The following BTBD8 variants were observed in gnomAD, a reference collection of about 807,000 sequenced individuals.
The protein encoded by BTBD8 is BTB domain containing 8, also known as BTB/POZ domain-containing protein 8.
BTBD8 carries 110 observed loss-of-function variants against 162.9 expected under a neutral mutation model. The observed-to-expected ratio is 0.68, with a 90% CI of 0.58 to 0.79. BTBD8 has a LOEUF of 0.79. Among genes scored for constraint, BTBD8 ranks in the 30% least tolerant of loss-of-function variants. The probability of loss-of-function intolerance (pLI) is 0.00; values close to 1 mark genes in which losing one functional copy is unlikely to be tolerated. For synonymous variants in BTBD8, 667 were observed against 716.1 expected (o/e 0.93, Z 1.10); for missense variants, 1,905 against 2,085.4 (o/e 0.91, Z 1.68).
intron 3 of BTBD8, among the ~76,000 whole-genome samples, chr1:92,105,024 C>T (rs1486234767): frequency 6.6e-6 from 1 of 152,024 alleles, no homozygotes; most frequent in East Asian, 1.9e-4. Context: ...CCTCCGCCTC[C>T]CGGGTTCACG....
At chr1:92,161,617 C>G (rs765885146) in intron 9 of BTBD8, among the ~76,000 whole-genome samples, 22 of 152,212 alleles carry the variant, frequency 1.4e-4, no homozygotes, top group Non-Finnish European at 2.4e-4. Context: ...ATGAGCAGAT[C>G]CTGAACTTCA....
rs1391484558 is a variant in BTBD8, at chr1:92,107,979, G to A, written c.640G>A (p.Gly214Arg). 8 of 1,613,690 alleles carry A rather than the reference G, an allele frequency of 5.0e-6. No homozygotes were observed. Among genetic ancestry groups the A allele is most frequent in the Non-Finnish European group, 6.8e-6 (8 of 1,179,742 alleles). ...CCCAGATATTGATATTTTTGTTGATGGAAAACGTTTTAAAGCTCACAGGTA... is the reference window on the plus strand; with the variant it reads ...CCCAGATATTGATATTTTTGTTGATAGAAAACGTTTTAAAGCTCACAGGTA... ...CCPDIDIFVD[G>R]KRFKAHRAIL... is the part of the protein sequence containing the mutation. The change falls in exon 4 of 18, where the codon GGA (glycine) becomes AGA (arginine). Residue 214 changes from glycine to arginine, a missense_variant. Around this residue, in one of 3 missense-constraint regions of BTBD8, gnomAD observed 1,374 missense variants for 1,442.7 expected, o/e 0.95. Transcript: ENST00000636805.
intron 13 of BTBD8, among the ~76,000 whole-genome samples, chr1:92,175,167 C>A (rs564410747): frequency 6.6e-6 from 1 of 151,780 alleles, no homozygotes; most frequent in Admixed American, 6.6e-5. Context: ...AAAAAAAAAA[C>A]CGTTTGCATA....
At position 92,176,926 on chromosome 1, in the gene BTBD8, A is replaced by G; in HGVS notation, c.1733A>G (p.Lys578Arg). 1 of 1,538,532 alleles carries G rather than the reference A, an allele frequency of 6.5e-7. No homozygotes were observed. The highest frequency in any genetic ancestry group is 8.8e-7 in the Non-Finnish European group (1 of 1,141,484). The stretch of plus-strand genomic sequence containing the variant: ...TGGAGTTATCTCTCTACTAATAAAA[A>G]GATGAAATCTGATGGATTAGGAGCA... ...ECWSYLSTNK[K>R]MKSDGLGASG... Residue 578 changes from lysine to arginine, a missense_variant, in exon 14 of 18, where the codon AAG (lysine) becomes AGG (arginine). Coordinates refer to ENST00000636805, the MANE Select transcript of BTBD8 (RefSeq NM_001376131.1).
chr1:92,142,428 C>T (rs570022232), intron 7 of BTBD8, among the ~76,000 whole-genome samples: 2 of 152,072 alleles, frequency 1.3e-5, no homozygotes, highest in Non-Finnish European at 1.5e-5. Flanking sequence ...CTATCAGAGA[C>T]GAAGAGAAAG....
chr1:92,093,315 C>G (rs1157263572), intron 2 of BTBD8, among the ~76,000 whole-genome samples: 1 of 151,194 alleles, frequency 6.6e-6, no homozygotes, highest in Non-Finnish European at 1.5e-5. Context: ...GCCTCAGCCT[C>G]TTGAGTAGCT....
chr1:92,163,700 G>C (rs191694695), intron 9 of BTBD8, among the ~76,000 whole-genome samples: 1 of 151,918 alleles, frequency 6.6e-6, no homozygotes, highest in African/African-American at 2.4e-5. Context: ...TTAAACTGTC[G>C]TTGTGTTAAC....
chr1:92,133,924 C>T (rs1015688870), intron 5 of BTBD8, among the ~76,000 whole-genome samples: 11 of 151,174 alleles, frequency 7.3e-5, no homozygotes, highest in Non-Finnish European at 1.5e-4. Flanking sequence ...GAGCCGAGAT[C>T]GTGCCACTGC....
chr1:92,142,562 G>A (rs1361616160), intron 7 of BTBD8, among the ~76,000 whole-genome samples: 1 of 152,214 alleles, frequency 6.6e-6, no homozygotes, highest in Non-Finnish European at 1.5e-5. Flanking sequence ...TTGGTGTAAG[G>A]AACTACAGTT....
At chr1:92,085,025 C>T (rs1014386679) in intron 1 of BTBD8, among the ~76,000 whole-genome samples, 2 of 152,170 alleles carry the variant, frequency 1.3e-5, no homozygotes, top group Non-Finnish European at 2.9e-5. Context: ...TTTTCATGCC[C>T]TCTGTGAGGT....
intron 7 of BTBD8, among the ~76,000 whole-genome samples, chr1:92,146,215 C>CA (rs11379493): frequency 0.74 from 112,298 of 151,992 alleles, 42,619 homozygotes; most frequent in East Asian, 0.97. Context: ...TCTTGACAGC[C>CA]AAAGAGTTCA....
At chr1:92,145,763 C>T (rs147137408) in intron 7 of BTBD8, among the ~76,000 whole-genome samples, 303 of 152,172 alleles carry the variant, frequency 2.0e-3, no homozygotes, top group African/African-American at 6.7e-3. Context: ...GGGTGGATCA[C>T]GAGACCAGGA....
chr1:92,139,542 A>G (rs1484118253), intron 6 of BTBD8, 112 bp downstream of exon 6: 5 of 1,403,082 alleles, frequency 3.6e-6, no homozygotes, highest in Admixed American at 3.3e-5. Context: ...AGTCTATTAT[A>G]CTATATCTTC....
chr1:92,114,897 C>A, intron 4 of BTBD8: 1 of 320,356 alleles, frequency 3.1e-6, no homozygotes, highest in South Asian at 3.3e-5. Context: ...ACAAAGTGGT[C>A]ATTAGGGCAA....
chr1:92,108,957 A>T (rs896027750), intron 4 of BTBD8, among the ~76,000 whole-genome samples: 2 of 152,234 alleles, frequency 1.3e-5, no homozygotes, highest in African/African-American at 2.4e-5. Context: ...ACCAAGCCAA[A>T]TAGTAGTAAT....
chr1:92,133,537 G>A (rs940897827), intron 5 of BTBD8, among the ~76,000 whole-genome samples: 1 of 152,172 alleles, frequency 6.6e-6, no homozygotes, highest in African/African-American at 2.4e-5. Context: ...CAATAGATTC[G>A]AAGACAATCC....
Position 92,139,341 on chromosome 1 carries a change from AT to A in BTBD8, c.753-4del. On this transcript the variant is annotated splice_region_variant and splice_polypyrimidine_tract_variant and intron_variant, in intron 5 of 17. Transcript: ENST00000636805. ...TAATTCTGGATTTGAGTTTTCTTTT[AT>A]TTTTCAGTATAAGCCATGTAGAACT... The A allele has an allele frequency of 1.3e-6, 2 of 1,555,786 alleles. No homozygotes were observed. The highest frequency in any genetic ancestry group is 8.6e-7 in the Non-Finnish European group (1 of 1,162,804).
chr1:92,178,448 C>A lies in BTBD8; in HGVS notation c.2578C>A (p.Gln860Lys). The change falls in exon 16 of 18, where the codon CAA becomes AAA. Residue 860 changes from glutamine to lysine, a missense_variant. Gln to Lys is a moderately conservative substitution (Grantham distance 53). Coordinates refer to ENST00000636805, the MANE Select transcript of BTBD8 (RefSeq NM_001376131.1). ...KSTPSNLTKTQGSQGESPNSV... is the reference protein window; with the variant it reads ...KSTPSNLTKTKGSQGESPNSV... ...TACCCCATCTAATCTTACTAAAACT[C>A]AAGGTAAAGCTGAAATAGTACTGGA... 1 of 1,546,818 alleles carries A rather than the reference C, an allele frequency of 6.5e-7. No homozygotes were observed. The highest frequency in any genetic ancestry group is 2.4e-5 in the East Asian group (1 of 40,818).
intron 7 of BTBD8, among the ~76,000 whole-genome samples, chr1:92,143,310 AT>A (rs879419861): frequency 1.3e-4 from 20 of 148,300 alleles, no homozygotes; most frequent in South Asian, 2.1e-4. Context: ...CATTGCCTCT[AT>A]TTTTTTTTTA....
Sources: gnomAD v4.1 joint callset for allele counts (sites outside exome capture counted in the v4.1 genomes callset) on GRCh38, gnomAD v4.1.1 for gene constraint, gnomAD v4.1.1 regional missense constraint, MANE v1.5 for transcripts, NCBI Gene and HGNC (gene_info 2026-07-23, HGNC 2026-07-21) for gene names.